ZSCAN5A: variants seen among roughly 807,000 people sequenced by gnomAD.
ZSCAN5A encodes the protein zinc finger and SCAN domain containing 5A.
ZSCAN5A carries 12 observed loss-of-function variants against 23.7 expected under a neutral mutation model. The observed-to-expected ratio is 0.51, with a 90% CI of 0.32 to 0.82. The LOEUF is 0.82. Among genes scored for constraint, ZSCAN5A ranks in the 40% least tolerant of loss-of-function variants. ZSCAN5A has a pLI of 0.03. For missense variants in ZSCAN5A, 597 were observed against 617.9 expected (o/e 0.97, Z 0.36); for synonymous variants, 257 against 239.9 (o/e 1.07, Z -0.66).
intron 2 of ZSCAN5A, among the ~76,000 whole-genome samples, chr19:56,270,413 C>T (rs1272587550): frequency 4.0e-5 from 6 of 151,832 alleles, no homozygotes; most frequent in Admixed American, 6.6e-5. Context: ...GGTGAGACCC[C>T]GTCTCAATAA....
intron 2 of ZSCAN5A, among the ~76,000 whole-genome samples, chr19:56,326,664 C>T (rs1391219053): frequency 6.6e-6 from 1 of 152,162 alleles, no homozygotes; most frequent in African/African-American, 2.4e-5. Flanking sequence ...CTGCAAATGA[C>T]ACCCCCACCC....
chr19:56,293,830 T>C (rs2039681694), intron 2 of ZSCAN5A, among the ~76,000 whole-genome samples: 1 of 151,980 alleles, frequency 6.6e-6, no homozygotes, highest in Admixed American at 6.6e-5. Context: ...CATCCTACAA[T>C]GCACAGGACA....
In ZSCAN5A at chr19:56,325,465, C is replaced by T. The variant is rs368690242; in HGVS notation, c.-357-9197G>A. On this transcript the variant is annotated intron_variant, in intron 2 of 6. Transcript: ENST00000587340. Reference sequence around the variant, plus strand: ...TATCTACTGGGAGAGGAATTATCCCCTGAAAGAGAACAGGGAGGTCATGGG... The same window carrying T: ...TATCTACTGGGAGAGGAATTATCCCTTGAAAGAGAACAGGGAGGTCATGGG... Among the ~76,000 whole-genome samples, 214 of 152,296 alleles carry T rather than the reference C, an allele frequency of 1.4e-3. 1 individual carries two copies. In the South Asian group the frequency reaches 0.015, roughly 11 times the overall value.
At chr19:56,333,090 T>C (rs2041503800) in intron 2 of ZSCAN5A, among the ~76,000 whole-genome samples, 1 of 146,240 alleles carries the variant, frequency 6.8e-6, no homozygotes, top group Non-Finnish European at 1.5e-5. Context: ...GTCTTTAAGA[T>C]TTTTTTTTTT....
At chr19:56,302,556 CCT>C (rs1158709384) in intron 2 of ZSCAN5A, among the ~76,000 whole-genome samples, 2 of 105,298 alleles carry the variant, frequency 1.9e-5, no homozygotes, top group Non-Finnish European at 3.9e-5. Flanking sequence ...TTCCTCCCTC[CCT>C]CCCCCCTTCC....
intron 2 of ZSCAN5A, among the ~76,000 whole-genome samples, chr19:56,355,390 C>T (rs1457608611): frequency 6.7e-6 from 1 of 148,744 alleles, no homozygotes; most frequent in East Asian, 1.9e-4. Flanking sequence ...TGCTGTATTT[C>T]TATTTGCTTA....
chr19:56,356,467 G>A (rs2041701214), intron 2 of ZSCAN5A, among the ~76,000 whole-genome samples: 1 of 148,246 alleles, frequency 6.7e-6, no homozygotes, highest in Non-Finnish European at 1.5e-5. Context: ...AGAGCTCTAA[G>A]GAATGTGAAA....
Position 56,328,165 on chromosome 19 carries a change from G to A in ZSCAN5A, c.-357-11897C>T, listed in dbSNP as rs57663857. ...GTTTACTCCTTAGGTGGATGGGGATGTTTTTGGTAGTTCATCATTTTACTA... is the reference window on the plus strand; with the variant it reads ...GTTTACTCCTTAGGTGGATGGGGATATTTTTGGTAGTTCATCATTTTACTA... On this transcript the variant is annotated intron_variant, in intron 2 of 6. Transcript: ENST00000587340. 3.4e-4 allele frequency among the ~76,000 whole-genome samples: 52 copies of A among 152,226 alleles called. 1 individual carries two copies. The East Asian group carries it at 8.7e-3, about 25-fold the overall frequency.
intron 2 of ZSCAN5A, among the ~76,000 whole-genome samples, chr19:56,249,374 C>T (rs1475798209): frequency 2.6e-5 from 4 of 152,194 alleles, no homozygotes; most frequent in African/African-American, 9.7e-5. Flanking sequence ...CGGGTTGAAG[C>T]AATTCACTTG....
intron 2 of ZSCAN5A, among the ~76,000 whole-genome samples, chr19:56,238,671 TAGG>T (rs1335881343): frequency 6.6e-6 from 1 of 151,916 alleles, no homozygotes; most frequent in Non-Finnish European, 1.5e-5. Flanking sequence ...TCCACACAGG[TAGG>T]AGATCTCTAC....
intron 2 of ZSCAN5A, among the ~76,000 whole-genome samples, chr19:56,242,480 C>T (rs969185904): frequency 6.6e-6 from 1 of 152,100 alleles, no homozygotes; most frequent in Admixed American, 6.5e-5. Flanking sequence ...GGTTGTCTTC[C>T]CCCTCTGCTG....
At chr19:56,346,232 A>G (rs917986828) in intron 2 of ZSCAN5A, among the ~76,000 whole-genome samples, 37 of 152,180 alleles carry the variant, frequency 2.4e-4, no homozygotes, top group African/African-American at 8.9e-4. Flanking sequence ...AACAACAACA[A>G]CAAAAAACAT....
At chr19:56,257,147 G>A (rs747057269) in intron 2 of ZSCAN5A, among the ~76,000 whole-genome samples, 1 of 152,204 alleles carries the variant, frequency 6.6e-6, no homozygotes, top group Non-Finnish European at 1.5e-5. Context: ...CACATGTCAG[G>A]CTTAGGTCCA....
intron 2 of ZSCAN5A, chr19:56,263,654 T>C (rs2037270378): frequency 6.6e-6 from 1 of 152,142 alleles, no homozygotes; most frequent in African/African-American, 2.4e-5. Flanking sequence ...ACTCTAACAC[T>C]TTCCTCTTTC....
intron 2 of ZSCAN5A, among the ~76,000 whole-genome samples, chr19:56,311,052 T>A (rs7253522): frequency 0.094 from 14,367 of 152,248 alleles, 732 homozygotes; most frequent in Middle Eastern, 0.13. Context: ...AACATAAAAT[T>A]GTACAGGCAT....
At chr19:56,267,507 AAAACTT>A (rs1769046079) in intron 2 of ZSCAN5A, among the ~76,000 whole-genome samples, 1 of 152,240 alleles carries the variant, frequency 6.6e-6, no homozygotes, top group African/African-American at 2.4e-5. Flanking sequence ...AAATAAAATG[AAAACTT>A]CATTTCCTTA....
chr19:56,295,907 CT>C (rs2039841550), intron 2 of ZSCAN5A: 1 of 153,172 alleles, frequency 6.5e-6, no homozygotes, highest in African/African-American at 2.4e-5. Context: ...GTCTGCTCCC[CT>C]GACCTGTCTT....
intron 2 of ZSCAN5A, among the ~76,000 whole-genome samples, chr19:56,260,300 C>T (rs1314397269): frequency 2.7e-5 from 4 of 150,936 alleles, no homozygotes; most frequent in African/African-American, 9.7e-5. Flanking sequence ...CTGCAACCTC[C>T]GCTTCCAGGG....
At chr19:56,301,349 G>A (rs1369492013) in intron 2 of ZSCAN5A, among the ~76,000 whole-genome samples, 2 of 152,112 alleles carry the variant, frequency 1.3e-5, no homozygotes, top group Admixed American at 1.3e-4. Flanking sequence ...TAGGCCAGTA[G>A]GGGAACTTCC....
Sources: gnomAD v4.1 joint callset for allele counts (sites outside exome capture counted in the v4.1 genomes callset) on GRCh38, gnomAD v4.1.1 for gene constraint, MANE v1.5 for transcripts, NCBI Gene and HGNC (gene_info 2026-07-23, HGNC 2026-07-21) for gene names.